Variants in PCLO observed in about 807,000 individuals in gnomAD.
PCLO encodes piccolo presynaptic cytomatrix protein.
PCLO carries 82 observed loss-of-function variants against 427.5 expected under a neutral mutation model. The observed-to-expected ratio is 0.19, with a 90% CI of 0.16 to 0.23. The LOEUF (loss-of-function observed/expected upper bound fraction) is 0.23, where lower values mean the gene tolerates loss of function less well. Among genes scored for constraint, PCLO ranks in the 10% least tolerant of loss-of-function variants. The pLI is 1.00. For synonymous variants in PCLO, 2,357 were observed against 2,155.4 expected, an observed-to-expected ratio of 1.09 and a Z score of -2.59; for missense variants, 6,239 against 6,115.9, an observed-to-expected ratio of 1.02 and a Z score of -0.67.
chr7:83,026,954 C>T (rs1788516319), intron 3 of PCLO, among the ~76,000 whole-genome samples: 1 of 129,316 alleles, frequency 7.7e-6, no homozygotes, highest in Non-Finnish European at 1.7e-5. Context: ...GCATTCAAAG[C>T]AGTGTGTAGA....
intron 3 of PCLO, among the ~76,000 whole-genome samples, chr7:83,048,362 C>A (rs1207744212): frequency 2.0e-5 from 3 of 151,994 alleles, no homozygotes; most frequent in African/African-American, 7.2e-5. Flanking sequence ...CTTTGAAGGC[C>A]AGATCAGTTC....
intron 3 of PCLO, among the ~76,000 whole-genome samples, chr7:83,054,262 C>A (rs1789323039): frequency 1.3e-5 from 2 of 151,968 alleles, no homozygotes; most frequent in Non-Finnish European, 2.9e-5. Context: ...TGTTGCAAAA[C>A]CAACACCTAG....
At chr7:83,044,039 T>C (rs145323284) in intron 3 of PCLO, among the ~76,000 whole-genome samples, 1 of 150,364 alleles carries the variant, frequency 6.7e-6, no homozygotes, top group African/African-American at 2.5e-5. Context: ...AGAAGTTTAA[T>C]TGACTCACAG....
chr7:82,819,546 G>A (rs1343417656), intron 20 of PCLO, among the ~76,000 whole-genome samples: 2 of 152,074 alleles, frequency 1.3e-5, no homozygotes, highest in Non-Finnish European at 2.9e-5. Context: ...AAGGTGAGAG[G>A]TGGAATTTTA....
intron 7 of PCLO, among the ~76,000 whole-genome samples, chr7:82,913,479 C>G (rs1448751623): frequency 1.3e-5 from 2 of 151,740 alleles, no homozygotes; most frequent in Non-Finnish European, 2.9e-5. Flanking sequence ...AATAATAATG[C>G]TTTTATTTGA....
intron 3 of PCLO, among the ~76,000 whole-genome samples, chr7:83,102,421 T>A (rs1790758903): frequency 6.6e-6 from 1 of 152,100 alleles, no homozygotes; most frequent in African/African-American, 2.4e-5. Context: ...GAATGGTTAT[T>A]ATATTTCATG....
intron 2 of PCLO, among the ~76,000 whole-genome samples, chr7:83,153,876 TG>T (rs561844644): frequency 3.0e-4 from 45 of 151,538 alleles, no homozygotes; most frequent in African/African-American, 1.1e-3. Flanking sequence ...AAAAATGCTT[TG>T]TATCTTCTTG....
chr7:83,028,939 C>G (rs200443625), intron 3 of PCLO, among the ~76,000 whole-genome samples: 1,577 of 152,060 alleles, frequency 0.01, 81 homozygotes, highest in Admixed American at 0.073. Context: ...CTTCCTTACA[C>G]CTTATACAAA....
At chr7:83,011,274 C>A (rs967722493) in intron 3 of PCLO, among the ~76,000 whole-genome samples, 2 of 151,246 alleles carry the variant, frequency 1.3e-5, no homozygotes, top group Admixed American at 1.3e-4. Context: ...TATTTTAGAC[C>A]CAGTGTGAAC....
chr7:83,079,664 A>G (rs1332169057), intron 3 of PCLO, among the ~76,000 whole-genome samples: 1 of 152,112 alleles, frequency 6.6e-6, no homozygotes, highest in Non-Finnish European at 1.5e-5. Flanking sequence ...TATCTTGTTC[A>G]GCACACACCC....
intron 3 of PCLO, among the ~76,000 whole-genome samples, chr7:83,118,493 C>T (rs904803396): frequency 6.6e-6 from 1 of 152,024 alleles, no homozygotes; most frequent in African/African-American, 2.4e-5. Context: ...CCCTCCCACC[C>T]CATCCCCCAG....
chr7:82,883,382 C>A (rs1793555033), intron 9 of PCLO, among the ~76,000 whole-genome samples: 1 of 152,080 alleles, frequency 6.6e-6, no homozygotes, highest in South Asian at 2.1e-4. Context: ...ACAAATTATA[C>A]ATAAAAGTGT....
Position 82,851,765 on chromosome 7 carries a change from C to T in PCLO, c.13655-4518G>A, listed in dbSNP as rs532798627. On this transcript the variant is annotated intron_variant, in intron 10 of 24. Transcript: ENST00000333891. ...TCAGGAGTCTTCTATAAAGCGCTAG[C>T]AGCAGCAGCAAAAGATCAGCTGAAC... 2.6e-5 allele frequency among the ~76,000 whole-genome samples: 4 copies of T among 152,196 alleles called. No homozygotes were observed. In the East Asian group the frequency reaches 7.7e-4, roughly 29 times the overall value.
intron 10 of PCLO, among the ~76,000 whole-genome samples, chr7:82,872,421 G>A (rs924793271): frequency 4.6e-5 from 7 of 151,908 alleles, no homozygotes; most frequent in African/African-American, 1.7e-4. Flanking sequence ...TTGCACAACA[G>A]AGTTGATAAA....
intron 3 of PCLO, among the ~76,000 whole-genome samples, chr7:83,043,452 T>A (rs1206288173): frequency 5.3e-5 from 8 of 152,194 alleles, no homozygotes; most frequent in Non-Finnish European, 1.2e-4. Flanking sequence ...TATTTCAAAA[T>A]AACTTCATTT....
intron 3 of PCLO, among the ~76,000 whole-genome samples, chr7:83,076,083 T>C (rs1360618110): frequency 1.3e-5 from 2 of 151,250 alleles, no homozygotes; most frequent in African/African-American, 2.4e-5. Context: ...TATCTCAGCA[T>C]GCCTCTGCAG....
intron 16 of PCLO, among the ~76,000 whole-genome samples, chr7:82,834,946 CT>C (rs36081669): frequency 0.023 from 2,781 of 123,028 alleles, 33 homozygotes; most frequent in South Asian, 0.027. Flanking sequence ...CACCTATTAT[CT>C]TTTTTTTTGT....
Position 82,955,420 on chromosome 7 carries a change from C to T in PCLO, c.5533G>A (p.Ala1845Thr). ...DASPTEELRQ[A>T]AEMEELHRSS... Reference sequence around the variant, plus strand: ...CTATGGAGCTCCTCCATTTCTGCAGCCTGACGTAACTCTTCTGTCGGAGAT... The same window carrying T: ...CTATGGAGCTCCTCCATTTCTGCAGTCTGACGTAACTCTTCTGTCGGAGAT... The change falls in exon 5 of 25, where the codon GCT becomes ACT. Residue 1845 changes from alanine (A) to threonine (T), a missense_variant. Physicochemically the swap from Ala to Thr is moderately conservative, Grantham distance 58 (BLOSUM62 0). Around this residue, in one of 5 missense-constraint regions of PCLO, gnomAD observed 4,677 missense variants for 4,468.4 expected, o/e 1.05. Coordinates refer to ENST00000333891, the MANE Select transcript of PCLO (RefSeq NM_033026.6). 6.2e-7 allele frequency: 1 copy of T among 1,613,838 alleles called. No homozygotes were observed. Among genetic ancestry groups the T allele is most frequent in the Non-Finnish European group, 8.5e-7 (1 of 1,179,814 alleles).
intron 3 of PCLO, among the ~76,000 whole-genome samples, chr7:83,106,406 T>C (rs1211908494): frequency 6.6e-6 from 1 of 152,214 alleles, no homozygotes; most frequent in African/African-American, 2.4e-5. Context: ...CTTGCCCACC[T>C]TCAATGACAG....
Sources: allele counts gnomAD v4.1 joint callset (sites outside exome capture counted in the v4.1 genomes callset), GRCh38; gene constraint gnomAD v4.1.1; regional missense constraint gnomAD v4.1.1; transcripts MANE v1.5; gene names NCBI Gene and HGNC (gene_info 2026-07-23, HGNC 2026-07-21).